Variants in UQCRC2 observed in about 807,000 individuals in gnomAD.
The protein encoded by UQCRC2 is ubiquinol-cytochrome c reductase core protein 2, also known as cytochrome b-c1 complex subunit 2, mitochondrial.
In UQCRC2, 49 loss-of-function variants were observed where a neutral mutation model predicts 55.6. The ratio of observed to expected loss-of-function variants is 0.88; its 90% CI spans 0.70 to 1.12. UQCRC2 has a LOEUF of 1.12. Ranked by LOEUF, UQCRC2 falls within the 50% of genes most tolerant of loss-of-function variation. The probability of loss-of-function intolerance (pLI) is 0.00; values close to 1 mark genes in which losing one functional copy is unlikely to be tolerated. For missense variants in UQCRC2, 506 were observed against 547.8 expected, an observed-to-expected ratio of 0.92 and a Z score of 0.76; for synonymous variants, 193 against 192.0, an observed-to-expected ratio of 1.01 and a Z score of -0.04.
At chr16:21,956,786 G>T (rs1294735084) in intron 1 of UQCRC2, among the ~76,000 whole-genome samples, 1 of 152,150 alleles carries the variant, frequency 6.6e-6, no homozygotes, top group African/African-American at 2.4e-5. Flanking sequence ...AGCTAGGCGG[G>T]GTGCAGTGGC....
At chr16:21,980,788 A>G (rs934183790) in intron 13 of UQCRC2, 88 bp downstream of exon 13, 6 of 1,499,044 alleles carry the variant, frequency 4.0e-6, no homozygotes, top group Non-Finnish European at 4.5e-6. Flanking sequence ...GTCCTTGGGC[A>G]GTGTATTATT....
At chr16:21,978,444 T>C (rs1370506607) in intron 12 of UQCRC2, among the ~76,000 whole-genome samples, 2 of 152,192 alleles carry the variant, frequency 1.3e-5, no homozygotes, top group African/African-American at 4.8e-5. Context: ...TTGGATTTTG[T>C]TTTATTTCAA....
At chr16:21,976,302 C>T in intron 12 of UQCRC2, 59 bp downstream of exon 12, 1 of 1,383,670 alleles carries the variant, frequency 7.2e-7, no homozygotes, top group Non-Finnish European at 1.0e-6. Flanking sequence ...GTATTCTTTT[C>T]AGATTATAAC....
intron 6 of UQCRC2, among the ~76,000 whole-genome samples, chr16:21,963,462 TTTTGTTTG>T (rs911131569): frequency 7.9e-5 from 12 of 152,054 alleles, no homozygotes; most frequent in Non-Finnish European, 1.2e-4. Flanking sequence ...AATGTTTTGT[TTTTGTTTG>T]TTTGTTTGTT....
chr16:21,973,475 C>G (rs1206605557), intron 10 of UQCRC2, among the ~76,000 whole-genome samples: 1 of 152,098 alleles, frequency 6.6e-6, no homozygotes, highest in Non-Finnish European at 1.5e-5. Context: ...TTTTCTCTAA[C>G]TTTCTGACAT....
intron 12 of UQCRC2, among the ~76,000 whole-genome samples, chr16:21,977,525 C>T (rs553048326): frequency 6.6e-6 from 1 of 152,064 alleles, no homozygotes; most frequent in East Asian, 1.9e-4. Context: ...GACTAAAATA[C>T]TTGTCTGCTA....
intron 8 of UQCRC2, among the ~76,000 whole-genome samples, chr16:21,969,391 G>A (rs557561194): frequency 1.3e-4 from 20 of 152,216 alleles, no homozygotes; most frequent in African/African-American, 4.3e-4. Context: ...AAAATTAGTC[G>A]GGCATGGTGA....
At chr16:21,964,133 G>A (rs1327176042) in intron 6 of UQCRC2, among the ~76,000 whole-genome samples, 1 of 152,038 alleles carries the variant, frequency 6.6e-6, no homozygotes. Context: ...GCAGGCCTGG[G>A]GACTGATGTT....
intron 11 of UQCRC2, 98 bp downstream of exon 11, chr16:21,974,074 G>A (rs1472107619): frequency 1.8e-6 from 2 of 1,081,750 alleles, no homozygotes; most frequent in East Asian, 2.4e-5. Context: ...TTTGAATGCA[G>A]TGCAATGACT....
intron 13 of UQCRC2, among the ~76,000 whole-genome samples, chr16:21,981,058 A>G (rs1734365699): frequency 6.6e-6 from 1 of 152,226 alleles, no homozygotes; most frequent in Admixed American, 6.5e-5. Context: ...GATGACTAGA[A>G]GTAAAGAAGA....
At chr16:21,969,649 T>C (rs1293871555) in intron 8 of UQCRC2, among the ~76,000 whole-genome samples, 1 of 146,688 alleles carries the variant, frequency 6.8e-6, no homozygotes, top group African/African-American at 2.4e-5. Flanking sequence ...ATTTGTAATA[T>C]TTTTTGTTTT....
In UQCRC2 at chr16:21,962,814, G is replaced by A. The variant is rs781307417; in HGVS notation, c.443G>A (p.Arg148His). The A allele has an allele frequency of 9.8e-5, 158 of 1,613,970 alleles. 1 individual carries two copies. In the South Asian group the frequency reaches 1.3e-3, roughly 13 times the overall value. ...LNVTTAPEFR[R>H]WEVADLQPQL... The stretch of plus-strand genomic sequence containing the variant: ...GTCACCACAGCACCAGAATTTCGTC[G>A]TTGGGAAGTAGCTGACCTTCAGCCT... Residue 148 changes from arginine (R) to histidine (H), a missense_variant, in exon 6 of 14, where the codon CGT becomes CAT. Coordinates refer to ENST00000268379, the MANE Select transcript of UQCRC2 (RefSeq NM_003366.4).
intron 12 of UQCRC2, 62 bp downstream of exon 12, chr16:21,976,305 A>G: frequency 7.3e-7 from 1 of 1,375,884 alleles, no homozygotes; most frequent in Non-Finnish European, 1.0e-6. Context: ...TTCTTTTCAG[A>G]TTATAACAAT....
intron 8 of UQCRC2, among the ~76,000 whole-genome samples, chr16:21,969,950 C>T (rs1347435762): frequency 1.3e-5 from 2 of 152,008 alleles, no homozygotes; most frequent in Non-Finnish European, 2.9e-5. Context: ...TAGCTCACTG[C>T]CTTGAACTCC....
chr16:21,965,554 G>T, intron 7 of UQCRC2, 49 bp downstream of exon 7: 1 of 1,378,496 alleles, frequency 7.3e-7, no homozygotes, highest in East Asian at 2.6e-5. Flanking sequence ...ACATTAAATT[G>T]AACATCTCCC....
At chr16:21,976,659 T>G (rs1898592737) in intron 12 of UQCRC2, 1 of 155,228 alleles carries the variant, frequency 6.4e-6, no homozygotes, top group Non-Finnish European at 1.4e-5. Flanking sequence ...AATGCGCATA[T>G]CGAAAATGCA....
In UQCRC2 at chr16:21,957,333, C is replaced by T. The variant is rs1233883395; in HGVS notation, c.117+15C>T. 3 of 1,613,968 alleles carry T rather than the reference C, an allele frequency of 1.9e-6. No homozygotes were observed. Among genetic ancestry groups the T allele is most frequent in the African/African-American group, 1.3e-5 (1 of 74,908 alleles). Reference sequence around the variant, plus strand: ...AGGACCTTGAGGTTAGTCCCACTAACTTGCTCGCTGGAAGCTATACATGCC... The same window carrying T: ...AGGACCTTGAGGTTAGTCCCACTAATTTGCTCGCTGGAAGCTATACATGCC... On this transcript the variant is annotated intron_variant, in intron 2 of 13. Transcript: ENST00000268379.
At position 21,958,616 on chromosome 16, in the gene UQCRC2, A is replaced by G; in HGVS notation, c.332+17A>G. On this transcript the variant is annotated intron_variant, in intron 4 of 13. Transcript: ENST00000268379. ...CAAATTAAGGTTTGTTAAATAAGTA[A>G]TAGAAAATAGTGAAAATGCCAGAAA... 1 of 1,601,986 alleles carries G rather than the reference A, an allele frequency of 6.2e-7. No homozygotes were observed. The highest frequency in any genetic ancestry group is 2.2e-5 in the East Asian group (1 of 44,660).
At chr16:21,953,732 C>G (rs1898049454) in intron 1 of UQCRC2, among the ~76,000 whole-genome samples, 1 of 152,092 alleles carries the variant, frequency 6.6e-6, no homozygotes, top group Non-Finnish European at 1.5e-5. Flanking sequence ...GAAGGTCACT[C>G]CGGTACTCAA....
Sources: gnomAD v4.1 joint callset for allele counts (sites outside exome capture counted in the v4.1 genomes callset) on GRCh38, gnomAD v4.1.1 for gene constraint, MANE v1.5 for transcripts, NCBI Gene and HGNC (gene_info 2026-07-23, HGNC 2026-07-21) for gene names.